Variants in NXPE2 observed in about 807,000 individuals in gnomAD.
NXPE2 encodes NXPE family member 2.
In NXPE2, 34 loss-of-function variants were observed where a neutral mutation model predicts 34.4. That is an observed-to-expected ratio of 0.99 (90% CI 0.75 to 1.31). The LOEUF is 1.31. NXPE2 is among the 40% of genes most tolerant of loss of function. NXPE2 has a pLI of 0.00. For synonymous variants in NXPE2, 235 were observed against 231.3 expected, an observed-to-expected ratio of 1.02 and a Z score of -0.15; for missense variants, 649 against 672.5, an observed-to-expected ratio of 0.97 and a Z score of 0.39.
the NXPE2 span, among the ~76,000 whole-genome samples, chr11:114,644,654 T>C: frequency 3.7e-4 from 56 of 152,288 alleles, no homozygotes; most frequent in African/African-American, 1.2e-3. Context: ...TATTATGTCA[T>C]GTTTATGAAC....
the NXPE2 span, among the ~76,000 whole-genome samples, chr11:114,741,239 T>TTGG: frequency 1.3e-5 from 2 of 152,132 alleles, no homozygotes; most frequent in South Asian, 2.1e-4. Context: ...TTCTCTTCTC[T>TTGG]TGCTTTCAAA....
chr11:114,749,179 C>A, the NXPE2 span, among the ~76,000 whole-genome samples: 1 of 152,234 alleles, frequency 6.6e-6, no homozygotes, highest in Admixed American at 6.5e-5. Flanking sequence ...ATGTGCATTG[C>A]TATTTGTGTT....
chr11:114,627,826 T>C, the NXPE2 span, among the ~76,000 whole-genome samples: 27 of 151,192 alleles, frequency 1.8e-4, no homozygotes, highest in African/African-American at 6.3e-4. Flanking sequence ...TGGAGGAAGA[T>C]CTACCAAGCA....
At chr11:114,530,097 T>C in the NXPE2 span, 2 of 1,408,400 alleles carry the variant, frequency 1.4e-6, no homozygotes, top group Non-Finnish European at 1.9e-6. Flanking sequence ...TCATGCTCAA[T>C]GTTGCAATGG....
At chr11:114,540,885 T>TTTTTTTTTTG in the NXPE2 span, among the ~76,000 whole-genome samples, 31 of 81,290 alleles carry the variant, frequency 3.8e-4, 5 homozygotes, top group Non-Finnish European at 5.2e-4. Context: ...TTTTTTTTTT[T>TTTTTTTTTTG]GGCTTGAACA....
At chr11:114,635,441 T>C in the NXPE2 span, among the ~76,000 whole-genome samples, 1 of 151,632 alleles carries the variant, frequency 6.6e-6, no homozygotes, top group Admixed American at 6.6e-5. Context: ...CTTTTCCTAA[T>C]TGAATACCCT....
the NXPE2 span, among the ~76,000 whole-genome samples, chr11:114,653,487 T>C: frequency 6.6e-6 from 1 of 151,996 alleles, no homozygotes; most frequent in East Asian, 1.9e-4. Context: ...TTGTACTCCG[T>C]ATTTCATTAC....
the NXPE2 span, among the ~76,000 whole-genome samples, chr11:114,468,442 G>A: frequency 4.6e-5 from 7 of 152,316 alleles, no homozygotes; most frequent in African/African-American, 1.4e-4. Flanking sequence ...GCCCAGAAAC[G>A]AGAAGGGGTC....
At chr11:114,693,685 C>T (rs1951195406) in intron 2 of NXPE2, among the ~76,000 whole-genome samples, 1 of 152,130 alleles carries the variant, frequency 6.6e-6, no homozygotes, top group East Asian at 1.9e-4. Context: ...AATCTCACAG[C>T]ATAATATTTA....
At chr11:114,579,121 C>T in the NXPE2 span, among the ~76,000 whole-genome samples, 12 of 152,100 alleles carry the variant, frequency 7.9e-5, no homozygotes, top group Admixed American at 5.9e-4. Context: ...CTGGTGAGGC[C>T]GGGAAGCTTT....
chr11:114,540,837 C>CTTTTTTTTTTTTTTTTTTTTTTTTTTTTT, the NXPE2 span, among the ~76,000 whole-genome samples: 1 of 47,416 alleles, frequency 2.1e-5, no homozygotes. Flanking sequence ...AGAAAGCCAT[C>CTTTTTTTTTTTTTTTTTTTTTTTTTTTTT]TTTTTTTTTT....
At chr11:114,567,199 C>G in the NXPE2 span, among the ~76,000 whole-genome samples, 1 of 152,090 alleles carries the variant, frequency 6.6e-6, no homozygotes, top group South Asian at 2.1e-4. Flanking sequence ...TCCTAGCCTT[C>G]CACATTGGCT....
At chr11:114,664,391 T>C in the NXPE2 span, among the ~76,000 whole-genome samples, 1 of 152,190 alleles carries the variant, frequency 6.6e-6, no homozygotes, top group Non-Finnish European at 1.5e-5. Flanking sequence ...GTAGTGGAAT[T>C]ATTCTCTATC....
the NXPE2 span, among the ~76,000 whole-genome samples, chr11:114,572,184 A>T: frequency 1.3e-5 from 2 of 152,148 alleles, no homozygotes; most frequent in Non-Finnish European, 2.9e-5. Flanking sequence ...AACCACATCA[A>T]GGGAGCACCC....
At chr11:114,551,140 G>T in the NXPE2 span, 1 of 1,533,300 alleles carries the variant, frequency 6.5e-7, no homozygotes, top group Non-Finnish European at 8.7e-7. Context: ...AATCATCCAG[G>T]TTACTACTGA....
the NXPE2 span, among the ~76,000 whole-genome samples, chr11:114,615,768 C>T: frequency 6.6e-6 from 1 of 151,542 alleles, no homozygotes; most frequent in Non-Finnish European, 1.5e-5. Flanking sequence ...TAAGTACTGC[C>T]TCATGGGTAA....
At chr11:114,768,257 T>A in the NXPE2 span, among the ~76,000 whole-genome samples, 1 of 152,176 alleles carries the variant, frequency 6.6e-6, no homozygotes, top group African/African-American at 2.4e-5. Flanking sequence ...TCTGTACTGT[T>A]CCATTGGTCT....
chr11:114,532,603 A>G, the NXPE2 span, among the ~76,000 whole-genome samples: 563 of 152,248 alleles, frequency 3.7e-3, 4 homozygotes, highest in Admixed American at 0.011. Context: ...AATTAATTTT[A>G]TAAGAATGGA....
chr11:114,704,905 C>T (rs1951443329), intron 4 of NXPE2, among the ~76,000 whole-genome samples: 1 of 152,164 alleles, frequency 6.6e-6, no homozygotes, highest in Non-Finnish European at 1.5e-5. Context: ...TCCCTCTTGC[C>T]TGGACAGTAA....
Sources: allele counts gnomAD v4.1 joint callset (sites outside exome capture counted in the v4.1 genomes callset), GRCh38; gene constraint gnomAD v4.1.1; transcripts MANE v1.5; gene names NCBI Gene and HGNC (gene_info 2026-07-23, HGNC 2026-07-21).